DDHD1: variants seen among roughly 807,000 people sequenced by gnomAD.
The protein encoded by DDHD1 is DDHD domain containing 1.
In DDHD1, 49 loss-of-function variants were observed where a neutral mutation model predicts 96.4. The ratio of observed to expected loss-of-function variants is 0.51; its 90% CI spans 0.40 to 0.64. The LOEUF (loss-of-function observed/expected upper bound fraction) is 0.64, where lower values mean the gene tolerates loss of function less well. Ranked by LOEUF, DDHD1 falls within the 30% of genes least tolerant of loss-of-function variation. The probability of loss-of-function intolerance (pLI) is 0.00; values close to 1 mark genes in which losing one functional copy is unlikely to be tolerated. For missense variants in DDHD1, 1,106 were observed against 1,161.2 expected (o/e 0.95, Z 0.69); for synonymous variants, 442 against 446.5 (o/e 0.99, Z 0.13).
chr14:53,055,920 T>TAA lies in DDHD1; in HGVS notation c.1993-10_1993-9dup. On this transcript the variant is annotated splice_polypyrimidine_tract_variant and intron_variant, in intron 9 of 12. Coordinates refer to ENST00000673822, the MANE Select transcript of DDHD1 (RefSeq NM_001160148.2). ...TGGTTCTAATCTATAAGCCTTGATTTAAAAAAAAAAATTCAAAGAAACACA... is the reference window on the plus strand; with the variant it reads ...TGGTTCTAATCTATAAGCCTTGATTTAAAAAAAAAAAAATTCAAAGAAACACA... The TAA allele has an allele frequency of 3.7e-6, 5 of 1,337,694 alleles. No homozygotes were observed. Among genetic ancestry groups the TAA allele is most frequent in the South Asian group, 1.4e-5 (1 of 69,088 alleles). 82.9% of individuals were successfully genotyped at this position (1,337,694 alleles called of 1,614,324 possible). A position where few individuals can be genotyped will look rare whatever the true frequency, so the allele number is the denominator to read the frequency against.
At chr14:53,088,934 C>A (rs1191578979) in intron 4 of DDHD1, among the ~76,000 whole-genome samples, 1 of 152,118 alleles carries the variant, frequency 6.6e-6, no homozygotes, top group Non-Finnish European at 1.5e-5. Context: ...ATTGTCTCAG[C>A]CCAAAATCTC....
At chr14:53,128,869 C>T (rs1250156319) in intron 1 of DDHD1, among the ~76,000 whole-genome samples, 1 of 152,142 alleles carries the variant, frequency 6.6e-6, no homozygotes, top group Non-Finnish European at 1.5e-5. Flanking sequence ...TATGTTCCTG[C>T]CCCACCCTAA....
intron 6 of DDHD1, among the ~76,000 whole-genome samples, chr14:53,068,243 CTT>C (rs55662153): frequency 6.1e-4 from 64 of 104,450 alleles, no homozygotes; most frequent in Non-Finnish European, 9.4e-4. Context: ...CTTTATGATA[CTT>C]TTTTTTTTTT....
chr14:53,045,642 T>G lies in DDHD1; in HGVS notation c.*1126A>C, dbSNP rs964339750. ...GATTTATTTACTTACCTCAAGAAGC[T>G]AGTACATGGGTTATTGAATGCACTC... is the stretch of plus-strand genomic sequence containing the variant. On this transcript the variant is annotated 3_prime_UTR_variant, in exon 13 of 13. Transcript: ENST00000673822. 6.6e-6 allele frequency: 1 copy of G among 152,200 alleles called. No individual in the cohort carries two copies. Among genetic ancestry groups the G allele is most frequent in the Admixed American group, 6.5e-5 (1 of 15,280 alleles). 9.4% of individuals were successfully genotyped at this position (152,200 alleles called of 1,614,324 possible).
In DDHD1 at chr14:53,121,423, G is replaced by A. The variant is rs568107764; in HGVS notation, c.839-17567C>T. ...AAATACCATTTGATCCAGCAATCCC[G>A]TTACTGGGTATATACCCAAAGGATT... On this transcript the variant is annotated intron_variant, in intron 1 of 12. Transcript: ENST00000673822. Among the ~76,000 whole-genome samples the A allele has an allele frequency of 4.6e-5, 7 of 152,216 alleles. No homozygotes were observed. The South Asian group carries it at 6.2e-4, about 14-fold the overall frequency.
At chr14:53,142,336 C>G (rs1890693792) in intron 1 of DDHD1, among the ~76,000 whole-genome samples, 1 of 152,152 alleles carries the variant, frequency 6.6e-6, no homozygotes. Context: ...GTGCCAGAAC[C>G]TAGCTGCCAT....
At chr14:53,051,346 G>T (rs1476822804) in intron 12 of DDHD1, among the ~76,000 whole-genome samples, 1 of 151,838 alleles carries the variant, frequency 6.6e-6, no homozygotes, top group Non-Finnish European at 1.5e-5. Flanking sequence ...CAAGAATACT[G>T]TTTTTAAAAG....
intron 1 of DDHD1, among the ~76,000 whole-genome samples, chr14:53,144,219 T>C (rs1890830641): frequency 6.6e-6 from 1 of 152,218 alleles, no homozygotes; most frequent in South Asian, 2.1e-4. Flanking sequence ...AGTCCTAATG[T>C]TTTCCAGTGA....
intron 4 of DDHD1, among the ~76,000 whole-genome samples, chr14:53,078,243 T>C (rs1484706278): frequency 6.6e-6 from 1 of 152,134 alleles, no homozygotes; most frequent in African/African-American, 2.4e-5. Context: ...ACAAGAAACA[T>C]GTAAGGGTTG....
Position 53,093,386 on chromosome 14 carries a change from T to C in DDHD1, c.1071A>G (p.Val357=), listed in dbSNP as rs1163223178. ...ATGTTGTTGCATCACTATAAAGATA[T>C]ACTTCATCCACACTGTGCCAGTCCA... ...NHVDWHSVDE[V]YLYSDATTSK... The change falls in exon 3 of 13, where the codon GTA becomes GTG. Residue 357 remains valine, a synonymous_variant. Coordinates refer to ENST00000673822, the MANE Select transcript of DDHD1 (RefSeq NM_001160148.2). 19 of 1,613,046 alleles carry C rather than the reference T, an allele frequency of 1.2e-5. No homozygotes were observed. The highest frequency in any genetic ancestry group is 1.6e-5 in the Non-Finnish European group (19 of 1,179,698).
At chr14:53,135,952 T>C (rs1453496815) in intron 1 of DDHD1, among the ~76,000 whole-genome samples, 3 of 152,238 alleles carry the variant, frequency 2.0e-5, no homozygotes, top group Middle Eastern at 3.2e-3. Flanking sequence ...CCTGCACGTA[T>C]ACATCCAGAT....
intron 11 of DDHD1, chr14:53,054,169 T>G (rs1476709714): frequency 2.9e-6 from 1 of 341,434 alleles, no homozygotes; most frequent in Non-Finnish European, 5.3e-6. Flanking sequence ...CTAAAGAGAT[T>G]TGTTTTATGC....
At chr14:53,062,277 T>C (rs2139867327) in intron 7 of DDHD1, among the ~76,000 whole-genome samples, 1 of 152,044 alleles carries the variant, frequency 6.6e-6, no homozygotes, top group African/African-American at 2.4e-5. Flanking sequence ...CTAGTAAAAA[T>C]TTTAGTCAAT....
intron 3 of DDHD1, chr14:53,092,646 C>T (rs1169187713): frequency 6.6e-6 from 1 of 152,072 alleles, no homozygotes; most frequent in African/African-American, 2.4e-5. Flanking sequence ...AATTTGAGAC[C>T]AGCCTGGACA....
In DDHD1 at chr14:53,152,761, C is replaced by T; in HGVS notation, c.338G>A (p.Ser113Asn). Reference protein sequence around the residue: ...YSEGESGGGGSSLSLHPPQQP... With the variant: ...YSEGESGGGGNSLSLHPPQQP... ...CTGCGGCGGGTGCAGCGACAAGGAG[C>T]TGCCGCCGCCGCCGCTCTCACCCTC... Residue 113 changes from serine to asparagine, a missense_variant, in exon 1 of 13, where the codon AGC becomes AAC. Physicochemically the swap from Ser to Asn is conservative, Grantham distance 46 (BLOSUM62 1). Around this residue, in one of 2 missense-constraint regions of DDHD1, gnomAD observed 456 missense variants for 402.4 expected, o/e 1.13. Coordinates refer to ENST00000673822, the MANE Select transcript of DDHD1 (RefSeq NM_001160148.2). 6.6e-7 allele frequency: 1 copy of T among 1,519,926 alleles called. No homozygotes were observed. Among genetic ancestry groups the T allele is most frequent in the African/African-American group, 1.6e-5 (1 of 64,050 alleles). The allele number at this position is 1,519,926 out of a possible 1,614,324, so 94.2% of individuals were successfully genotyped here. A position where few individuals can be genotyped will look rare whatever the true frequency, so the allele number is the denominator to read the frequency against.
chr14:53,126,756 T>TC (rs1350025812), intron 1 of DDHD1, among the ~76,000 whole-genome samples: 2 of 152,242 alleles, frequency 1.3e-5, no homozygotes, highest in African/African-American at 4.8e-5. Flanking sequence ...TCCCATCTTT[T>TC]TTTTTACCTA....
intron 1 of DDHD1, among the ~76,000 whole-genome samples, chr14:53,128,928 T>G (rs7144723): frequency 6.6e-6 from 1 of 152,100 alleles, no homozygotes; most frequent in East Asian, 1.9e-4. Flanking sequence ...CTTGTGATAA[T>G]GCACTTTGTG....
rs75882918 is a variant in DDHD1 at position 53,095,147 on chromosome 14, T to A, written c.1013-1703A>T. ...TGTTTTGAGGACCTTAAGCTTTTCC[T>A]TTATAGCTCTGGTATATAGGTAGGA... On this transcript the variant is annotated intron_variant, in intron 2 of 12. Transcript: ENST00000673822. Among the ~76,000 whole-genome samples, 579 of 152,348 alleles carry A rather than the reference T, an allele frequency of 3.8e-3. 28 individuals carry two copies. In the East Asian group the frequency reaches 0.1, roughly 27 times the overall value.
At position 53,041,571 on chromosome 14, in the gene DDHD1, A is replaced by C. The variant is rs144948338; in HGVS notation, c.*5197T>G. The C allele has an allele frequency of 2.3e-3, 343 of 152,370 alleles. 1 individual carries two copies. The highest frequency in any genetic ancestry group is 7.8e-3 in the African/African-American group (326 of 41,592). 9.4% of individuals were successfully genotyped at this position (152,370 alleles called of 1,614,324 possible). A position where few individuals can be genotyped will look rare whatever the true frequency, so the allele number is the denominator to read the frequency against. On this transcript the variant is annotated 3_prime_UTR_variant, in exon 13 of 13. Transcript: ENST00000673822. ...ATAAACACTATGGAAAGGAATGTTA[A>C]ACATTAGTTAACACTGTGCAACTTG...
Sources: allele counts gnomAD v4.1 joint callset (sites outside exome capture counted in the v4.1 genomes callset), GRCh38; gene constraint gnomAD v4.1.1; regional missense constraint gnomAD v4.1.1; transcripts MANE v1.5; gene names NCBI Gene and HGNC (gene_info 2026-07-23, HGNC 2026-07-21).